The following DICER1 variants were observed in gnomAD, a reference collection of about 807,000 sequenced individuals.
DICER1 encodes dicer 1, ribonuclease III, also known as endoribonuclease Dicer.
DICER1 carries 43 observed loss-of-function variants against 194.1 expected under a neutral mutation model. That is an observed-to-expected ratio of 0.22 (90% CI 0.17 to 0.29). DICER1 has a LOEUF of 0.29. DICER1 is among the 10% of genes least tolerant of loss of function. DICER1 has a pLI of 1.00. For missense variants in DICER1, 1,608 were observed against 2,317.0 expected, an observed-to-expected ratio of 0.69 and a Z score of 6.28; for synonymous variants, 832 against 820.5, an observed-to-expected ratio of 1.01 and a Z score of -0.24.
chr14:95,100,084 C>T, intron 21 of DICER1, 149 bp from the exon 22 acceptor site: 1 of 841,580 alleles, frequency 1.2e-6, no homozygotes, highest in Non-Finnish European at 1.8e-6. Flanking sequence ...TACAGTTTTT[C>T]TACCCATTCA....
chr14:95,115,760 A>G lies in DICER1; in HGVS notation c.1814T>C (p.Met605Thr), dbSNP rs1249693564. 1.9e-6 allele frequency: 3 copies of G among 1,614,062 alleles called. No individual in the cohort carries two copies. The highest frequency in any genetic ancestry group is 1.3e-5 in the African/African-American group (1 of 74,930). The change falls in exon 11 of 27, where the codon ATG becomes ACG. Residue 605 changes from methionine (M) to threonine (T), a missense_variant. By Grantham distance (81) the Met-to-Thr change is moderately conservative. This residue lies in a region of DICER1 where 657 missense variants were observed against 910.1 expected (regional missense o/e 0.72). Transcript: ENST00000343455. Reference protein sequence around the residue: ...DTGETDIDPVMDDDDVFPPYV... With the variant: ...DTGETDIDPVTDDDDVFPPYV... ...TGGTGGGAAAACGTCATCATCATCC[A>G]TGACAGGATCAATGTCAGTCTCACC...
chr14:95,139,900 T>C lies in DICER1; in HGVS notation c.-45-6397A>G, dbSNP rs147103542. The stretch of plus-strand genomic sequence containing the variant: ...AGTGGACAATAACTGGCCCCAGTAA[T>C]GCACTTTCTATTTAGGGAAAACAAA... On this transcript the variant is annotated intron_variant, in intron 1 of 26. Coordinates refer to ENST00000343455, the MANE Select transcript of DICER1 (RefSeq NM_177438.3). Among the ~76,000 whole-genome samples, 666 of 152,332 alleles carry C rather than the reference T, an allele frequency of 4.4e-3. 1 individual carries two copies. The highest frequency in any genetic ancestry group is 0.015 in the Admixed American group (224 of 15,306).
chr14:95,113,342 T>A, intron 11 of DICER1, 118 bp from the exon 12 acceptor site: 1 of 1,025,654 alleles, frequency 9.7e-7, no homozygotes. Context: ...TATTTATATG[T>A]GGCATTTAAA....
At chr14:95,095,425 G>A in intron 23 of DICER1, 1 of 227,042 alleles carries the variant, frequency 4.4e-6, no homozygotes, top group South Asian at 6.2e-5. Context: ...TTTTGTCCAG[G>A]AAGAACAATA....
chr14:95,093,317 G>A (rs975415512), intron 24 of DICER1, among the ~76,000 whole-genome samples: 1 of 152,162 alleles, frequency 6.6e-6, no homozygotes, highest in South Asian at 2.1e-4. Context: ...ACAAAAATTC[G>A]AAATAGCTCA....
chr14:95,138,050 T>A (rs553196891), intron 1 of DICER1: 47 of 154,622 alleles, frequency 3.0e-4, no homozygotes, highest in Admixed American at 1.6e-3. Flanking sequence ...CCTCCAATGT[T>A]TCTCAGGCCC....
In DICER1 at chr14:95,099,756, ACACACACACACACAC is replaced by A. The variant is rs766236360; in HGVS notation, c.4206+9_4206+23del. The A allele has an allele frequency of 9.2e-5, 144 of 1,558,664 alleles. No individual in the cohort carries two copies. Among genetic ancestry groups the A allele is most frequent in the Middle Eastern group, 5.1e-4 (3 of 5,846 alleles). On this transcript the variant is annotated intron_variant, in intron 22 of 26. Coordinates refer to ENST00000343455, the MANE Select transcript of DICER1 (RefSeq NM_177438.3). ...TACACACACACACACACACACACAC[ACACACACACACACAC>A]AAACTTACCATTTCATCTTTTTCCC...
At chr14:95,115,150 A>G (rs76757742) in intron 11 of DICER1, among the ~76,000 whole-genome samples, 1,621 of 152,356 alleles carry the variant, frequency 0.011, 20 homozygotes, top group Non-Finnish European at 0.014. Flanking sequence ...AAAAGGTTAC[A>G]AAGAAAATCT....
chr14:95,146,055 G>C (rs1895113103), intron 1 of DICER1, among the ~76,000 whole-genome samples: 2 of 152,228 alleles, frequency 1.3e-5, no homozygotes, highest in South Asian at 2.1e-4. Flanking sequence ...ATTTAAAATG[G>C]TAAGTTTATA....
rs1595330505 is a variant in DICER1, at chr14:95,094,040, C to A, written c.5212G>T (p.Ala1738Ser). 6.2e-7 allele frequency: 1 copy of A among 1,614,094 alleles called. No homozygotes were observed. The highest frequency in any genetic ancestry group is 8.5e-7 in the Non-Finnish European group (1 of 1,180,024). Residue 1738 changes from alanine to serine, a missense_variant, in exon 24 of 27, where the codon GCC (alanine) becomes TCC (serine). By Grantham distance (99) the Ala-to-Ser change is moderately conservative. Coordinates refer to ENST00000343455, the MANE Select transcript of DICER1 (RefSeq NM_177438.3). ...SPGVLTDLRSALVNNTIFASL... is the reference protein window; with the variant it reads ...SPGVLTDLRSSLVNNTIFASL... ...GCAAAGATGGTGTTGTTGACCAGGGCAGACCGCAGGTCTGTCAGGACCCCC... is the reference window on the plus strand; with the variant it reads ...GCAAAGATGGTGTTGTTGACCAGGGAAGACCGCAGGTCTGTCAGGACCCCC...
chr14:95,156,451 C>G (rs1442597357), intron 1 of DICER1, among the ~76,000 whole-genome samples: 1 of 152,164 alleles, frequency 6.6e-6, no homozygotes, highest in Non-Finnish European at 1.5e-5. Flanking sequence ...TCCACGTTTC[C>G]GCGGATCTTC....
Position 95,133,245 on chromosome 14 carries a change from T to C in DICER1, c.144+70A>G, listed in dbSNP as rs1458954073. 5.2e-6 allele frequency: 8 copies of C among 1,536,948 alleles called. No homozygotes were observed. The Admixed American group carries it at 1.3e-4, about 26-fold the overall frequency. On this transcript the variant is annotated intron_variant, in intron 2 of 26. Transcript: ENST00000343455. ...AAGGGTAAATGAGTTTTATATAAGT[T>C]GTGTCAACTATATGCTAATGTATTC...
chr14:95,155,429 A>C (rs1895786651), intron 1 of DICER1, among the ~76,000 whole-genome samples: 1 of 152,218 alleles, frequency 6.6e-6, no homozygotes, highest in Non-Finnish European at 1.5e-5. Flanking sequence ...AGAAGATAGC[A>C]CTACAAGTAC....
chr14:95,115,904 C>T, intron 10 of DICER1, 83 bp from the exon 11 acceptor site: 1 of 1,409,562 alleles, frequency 7.1e-7, no homozygotes, highest in Non-Finnish European at 1.0e-6. Context: ...ACAGAAAAAA[C>T]TCTCCTGAAA....
At chr14:95,156,756 A>T (rs1895901234) in intron 1 of DICER1, among the ~76,000 whole-genome samples, 1 of 152,164 alleles carries the variant, frequency 6.6e-6, no homozygotes, top group African/African-American at 2.4e-5. Context: ...GGAGGGACCG[A>T]GAGCCCAGCT....
chr14:95,129,404 A>C (rs1893750894), intron 6 of DICER1, 68 bp downstream of exon 6: 1 of 1,518,764 alleles, frequency 6.6e-7, no homozygotes. Flanking sequence ...AGGTACTACA[A>C]AAACACCAAA....
At chr14:95,095,200 T>C (rs1890199744) in intron 23 of DICER1, 1 of 153,116 alleles carries the variant, frequency 6.5e-6, no homozygotes, top group Non-Finnish European at 1.5e-5. Flanking sequence ...TTCAGCTGTG[T>C]TTCACAGCCT....
chr14:95,106,402 A>G (rs760889797), intron 17 of DICER1, among the ~76,000 whole-genome samples, 179 bp from the exon 18 acceptor site: 2 of 152,144 alleles, frequency 1.3e-5, no homozygotes, highest in South Asian at 4.1e-4. Context: ...ATTTTTATCA[A>G]GTAAAAATGG....
chr14:95,110,677 A>G (rs753547436), intron 14 of DICER1, among the ~76,000 whole-genome samples: 4 of 152,178 alleles, frequency 2.6e-5, no homozygotes, highest in Non-Finnish European at 5.9e-5. Flanking sequence ...TGGGGTTCTT[A>G]TGAGGTAAAA....
Sources: allele counts gnomAD v4.1 joint callset (sites outside exome capture counted in the v4.1 genomes callset), GRCh38; gene constraint gnomAD v4.1.1; regional missense constraint gnomAD v4.1.1; transcripts MANE v1.5; gene names NCBI Gene and HGNC (gene_info 2026-07-23, HGNC 2026-07-21).